Variants in ING5 observed in about 807,000 individuals in gnomAD.
The protein encoded by ING5 is inhibitor of growth protein 5.
ING5 carries 17 observed loss-of-function variants against 37.4 expected under a neutral mutation model. That is an observed-to-expected ratio of 0.45 (90% CI 0.31 to 0.68). The LOEUF is 0.68. Among genes scored for constraint, ING5 ranks in the 30% least tolerant of loss-of-function variants. The pLI, the probability that ING5 is intolerant of heterozygous loss-of-function variation, is 0.05. For missense variants in ING5, 233 were observed against 311.9 expected, an observed-to-expected ratio of 0.75 and a Z score of 1.91; for synonymous variants, 123 against 116.6, an observed-to-expected ratio of 1.06 and a Z score of -0.36.
chr2:241,698,926 C>T (rs767421243), upstream of ING5, among the ~76,000 whole-genome samples: 6 of 151,996 alleles, frequency 3.9e-5, no homozygotes, highest in Non-Finnish European at 7.3e-5. Context: ...TGGGGTTTCT[C>T]TGTATTGGTC....
chr2:241,717,286 G>T (rs1421310106), intron 5 of ING5, among the ~76,000 whole-genome samples: 1 of 152,088 alleles, frequency 6.6e-6, no homozygotes, highest in African/African-American at 2.4e-5. Flanking sequence ...GGCCAGGCTG[G>T]TCTCGAACTC....
intron 3 of ING5, among the ~76,000 whole-genome samples, 173 bp downstream of exon 3, chr2:241,709,555 G>GTTTTT (rs10629648): frequency 7.7e-6 from 1 of 130,114 alleles, no homozygotes; most frequent in African/African-American, 2.9e-5. Flanking sequence ...GACCATCCCT[G>GTTTTT]TTTTTTTTTT....
chr2:241,690,883 T>C (rs1173708240), intron 2 of ING5, among the ~76,000 whole-genome samples: 1 of 151,580 alleles, frequency 6.6e-6, no homozygotes. Context: ...CTCAGCTCGC[T>C]GCAACATCCA....
At chr2:241,722,539 G>GGTAACTGTTC in intron 5 of ING5, 1 of 985,392 alleles carries the variant, frequency 1.0e-6, no homozygotes, top group Non-Finnish European at 1.2e-6. Context: ...GATTTTTGTG[G>GGTAACTGTTC]GTAACTGTTC....
chr2:241,687,381 G>T, exon 1 of ING5: 1 of 398,966 alleles, frequency 2.5e-6, no homozygotes, highest in Non-Finnish European at 4.4e-6. Context: ...TTCTGGAAAC[G>T]CTGTGTTTGA....
chr2:241,704,563 C>T (rs2069844941), intron 1 of ING5, 90 bp from the exon 2 acceptor site: 1 of 1,055,422 alleles, frequency 9.5e-7, no homozygotes, highest in Non-Finnish European at 1.5e-6. Flanking sequence ...AGTGAAACTC[C>T]ATCTCAAAAA....
intron 5 of ING5, chr2:241,721,878 A>C: frequency 1.0e-6 from 1 of 985,606 alleles, no homozygotes; most frequent in African/African-American, 1.7e-5. Flanking sequence ...ATGGTGCTAC[A>C]GGTGGCAGGC....
chr2:241,723,393 G>A (rs189331264), intron 7 of ING5, 122 bp downstream of exon 7: 40 of 1,063,674 alleles, frequency 3.8e-5, no homozygotes, highest in African/African-American at 3.6e-4. Flanking sequence ...CGGTAGCCAC[G>A]TAGGCATGCC....
At position 241,691,449 on chromosome 2, in the gene ING5, A is replaced by AC. The variant is rs1205192050; in HGVS notation, c.43+796_43+797insC. Among the ~76,000 whole-genome samples the AC allele has an allele frequency of 5.2e-4, 78 of 151,228 alleles. 1 individual carries two copies. The South Asian group carries it at 7.1e-3, about 14-fold the overall frequency. On this transcript the variant is annotated intron_variant, in intron 2 of 7. Transcript: ENST00000636051. Reference sequence around the variant, plus strand: ...GTGAGACACTGTCTCAAAAAAAAAAAACAAAAACAAAAAAACTGAAGGAGC... The same window carrying AC: ...GTGAGACACTGTCTCAAAAAAAAAAACACAAAAACAAAAAAACTGAAGGAGC...
intron 3 of ING5, among the ~76,000 whole-genome samples, chr2:241,709,942 T>A (rs905207005): frequency 1.8e-4 from 27 of 151,708 alleles, no homozygotes; most frequent in African/African-American, 3.4e-4. Flanking sequence ...TTATTTATTT[T>A]ATTTATTTAT....
chr2:241,704,806 G>A (rs1040446159), intron 2 of ING5, 82 bp downstream of exon 2: 2 of 1,171,242 alleles, frequency 1.7e-6, no homozygotes, highest in African/African-American at 1.5e-5. Context: ...GGGGCAGAGG[G>A]TTTTGAGGGG....
intron 5 of ING5, chr2:241,722,177 T>A: frequency 1.0e-6 from 1 of 985,370 alleles, no homozygotes; most frequent in Non-Finnish European, 1.2e-6. Context: ...CTGTTGACTG[T>A]GCGGGCTGCT....
rs941227485 is a variant in ING5 at position 241,728,039 on chromosome 2, G to A, written c.*3008G>A. ...TACAATAATATCACCAAAATAATAT[G>A]CATAGAGTTTTGGAAGAAACATAGA... On this transcript the variant is annotated 3_prime_UTR_variant, in exon 8 of 8. Coordinates refer to ENST00000313552, the MANE Select transcript of ING5 (RefSeq NM_032329.6). The A allele has an allele frequency of 6.6e-6, 1 of 152,208 alleles. No individual in the cohort carries two copies. The highest frequency in any genetic ancestry group is 2.4e-5 in the African/African-American group (1 of 41,456). 9.4% of individuals were successfully genotyped at this position (152,208 alleles called of 1,614,324 possible).
intron 5 of ING5, chr2:241,719,438 A>G: frequency 1.1e-6 from 1 of 920,654 alleles, no homozygotes; most frequent in Non-Finnish European, 1.7e-6. Flanking sequence ...CATCTTTGAG[A>G]ATGTGGTTTT....
rs1478404775 is a variant in ING5, at chr2:241,725,136, T to A, written c.*105T>A. The A allele has an allele frequency of 1.2e-5, 15 of 1,216,228 alleles. No homozygotes were observed. Among genetic ancestry groups the A allele is most frequent in the Non-Finnish European group, 7.3e-6 (6 of 826,982 alleles). 75.3% of individuals were successfully genotyped at this position (1,216,228 alleles called of 1,614,324 possible). ...ACTACCTTGTTCGGTTGATACTTAGTAACTCCGTGGCCAGTTGAAGCGCTG... is the reference window on the plus strand; with the variant it reads ...ACTACCTTGTTCGGTTGATACTTAGAAACTCCGTGGCCAGTTGAAGCGCTG... On this transcript the variant is annotated 3_prime_UTR_variant, in exon 8 of 8. Coordinates refer to ENST00000313552, the MANE Select transcript of ING5 (RefSeq NM_032329.6).
At position 241,724,806 on chromosome 2, in the gene ING5, A is replaced by G. The variant is rs1410879275; in HGVS notation, c.681-183A>G. 4 of 611,794 alleles carry G rather than the reference A, an allele frequency of 6.5e-6. No individual in the cohort carries two copies. The East Asian group carries it at 8.2e-5, about 13-fold the overall frequency. 37.9% of individuals were successfully genotyped at this position (611,794 alleles called of 1,614,324 possible). A position where few individuals can be genotyped will look rare whatever the true frequency, so the allele number is the denominator to read the frequency against. On this transcript the variant is annotated intron_variant, in intron 7 of 7. Coordinates refer to ENST00000313552, the MANE Select transcript of ING5 (RefSeq NM_032329.6). Reference sequence around the variant, plus strand: ...CAGCTTCAGAACCGGCGTCCTGCATAGAGCCGCACGTGCATCGGCGCATTT... The same window carrying G: ...CAGCTTCAGAACCGGCGTCCTGCATGGAGCCGCACGTGCATCGGCGCATTT...
chr2:241,725,711 C>T lies in ING5; in HGVS notation c.*680C>T, dbSNP rs1691594299. ...ATTAGCTTGGAGTGGCCGCAGGTCC[C>T]GTGACCAGCACCCGCGAGACCCTGT... On this transcript the variant is annotated 3_prime_UTR_variant, in exon 8 of 8. Transcript: ENST00000313552. 6.6e-6 allele frequency: 1 copy of T among 152,646 alleles called. No homozygotes were observed. The highest frequency in any genetic ancestry group is 1.5e-5 in the Non-Finnish European group (1 of 68,048). The allele number at this position is 152,646 out of a possible 1,614,324, so 9.5% of individuals were successfully genotyped here.
At chr2:241,704,613 C>T in intron 1 of ING5, 40 bp from the exon 2 acceptor site, 1 of 1,544,940 alleles carries the variant, frequency 6.5e-7, no homozygotes, top group South Asian at 1.1e-5. Flanking sequence ...TTTTGTCTTG[C>T]TGCTGAGAGG....
intron 1 of ING5, among the ~76,000 whole-genome samples, chr2:241,688,463 C>T (rs1053465681): frequency 1.3e-5 from 2 of 152,152 alleles, no homozygotes; most frequent in Non-Finnish European, 2.9e-5. Flanking sequence ...GACTTTACTC[C>T]CAGCATTTGT....
Sources: allele counts gnomAD v4.1 joint callset (sites outside exome capture counted in the v4.1 genomes callset), GRCh38; gene constraint gnomAD v4.1.1; transcripts MANE v1.5; gene names NCBI Gene and HGNC (gene_info 2026-07-23, HGNC 2026-07-21).